Variants in HDAC9 observed in about 807,000 individuals in gnomAD.
The protein encoded by HDAC9 is histone deacetylase 9.
A neutral mutation model predicts 139.4 loss-of-function variants in HDAC9; 41 were observed. The ratio of observed to expected loss-of-function variants is 0.29; its 90% confidence interval spans 0.23 to 0.38. The LOEUF (loss-of-function observed/expected upper bound fraction) is 0.38, where lower values mean the gene tolerates loss of function less well. Ranked by LOEUF, HDAC9 falls within the 10% of genes least tolerant of loss-of-function variation. HDAC9 has a pLI of 1.00. For missense variants in HDAC9, 1,147 were observed against 1,297.0 expected, an observed-to-expected ratio of 0.88 and a Z score of 1.78; for synonymous variants, 517 against 476.2, an observed-to-expected ratio of 1.09 and a Z score of -1.12.
At chr7:18,462,672 G>A (rs1793952059) in intron 1 of HDAC9, among the ~76,000 whole-genome samples, 1 of 151,850 alleles carries the variant, frequency 6.6e-6, no homozygotes, top group Non-Finnish European at 1.5e-5. Context: ...TCAAACTTAA[G>A]TTGGTGAGAT....
rs567176484 is a variant in HDAC9 at position 18,690,136 on chromosome 7, C to A, written c.1731+23660C>A. Among the ~76,000 whole-genome samples the A allele has an allele frequency of 3.9e-5, 6 of 152,054 alleles. No individual in the cohort carries two copies. The East Asian group carries it at 7.8e-4, about 20-fold the overall frequency. ...AGCATATTGCTGCTTGTCTCTCAAC[C>A]CTTTTTGCAAGAGCCCCCTCATCTG... is the stretch of plus-strand genomic sequence containing the variant. On this transcript the variant is annotated intron_variant, in intron 12 of 25. Transcript: ENST00000686413.
chr7:18,170,196 T>G (rs1345297694), intron 2 of HDAC9, among the ~76,000 whole-genome samples: 3 of 152,244 alleles, frequency 2.0e-5, no homozygotes, highest in Non-Finnish European at 4.4e-5. Context: ...TGATTTGCAT[T>G]TCTCTGATGA....
chr7:18,749,150 T>C lies in HDAC9; in HGVS notation c.2043+12T>C, dbSNP rs1409024195. 10 of 1,612,692 alleles carry C rather than the reference T, an allele frequency of 6.2e-6. No homozygotes were observed. In the African/African-American group the frequency reaches 1.2e-4, roughly 19 times the overall value. On this transcript the variant is annotated intron_variant, in intron 14 of 25. Transcript: ENST00000686413. Reference sequence around the variant, plus strand: ...TAAATAAATGTGAGGTAATCCAGAATTGGACACACTCTTTTACTTACTTAA... The same window carrying C: ...TAAATAAATGTGAGGTAATCCAGAACTGGACACACTCTTTTACTTACTTAA...
chr7:18,333,806 A>C (rs183139938), intron 1 of HDAC9, among the ~76,000 whole-genome samples: 71 of 151,664 alleles, frequency 4.7e-4, no homozygotes, highest in African/African-American at 1.7e-3. Context: ...ATCAGTAAAA[A>C]GTGGAGTTTA....
At chr7:18,730,194 C>G (rs1002432096) in intron 13 of HDAC9, among the ~76,000 whole-genome samples, 10 of 152,162 alleles carry the variant, frequency 6.6e-5, no homozygotes, top group African/African-American at 2.2e-4. Flanking sequence ...TCATTTAGTA[C>G]TATTCCAAAT....
chr7:18,720,869 T>C (rs1562881438), intron 12 of HDAC9, among the ~76,000 whole-genome samples: 2 of 152,018 alleles, frequency 1.3e-5, no homozygotes, highest in South Asian at 4.1e-4. Context: ...TTTATAGAGA[T>C]AGGGTCTCCC....
At chr7:18,782,703 A>ATT (rs5882671) in intron 16 of HDAC9, among the ~76,000 whole-genome samples, 8,795 of 151,594 alleles carry the variant, frequency 0.058, 338 homozygotes, top group South Asian at 0.12. Flanking sequence ...AAATGCGGGG[A>ATT]TTTTTTTTTC....
Position 18,835,895 on chromosome 7 carries a change from C to T in HDAC9, c.2587-5C>T. On this transcript the variant is annotated splice_region_variant and splice_polypyrimidine_tract_variant and intron_variant, in intron 20 of 25. Transcript: ENST00000686413. ...GCCCACCGTGGTGTGTCTTTCTCTTCCCAGGTTGGAACAGGCCTTGGAGAA... is the reference window on the plus strand; with the variant it reads ...GCCCACCGTGGTGTGTCTTTCTCTTTCCAGGTTGGAACAGGCCTTGGAGAA... 6.5e-7 allele frequency: 1 copy of T among 1,546,572 alleles called. No individual in the cohort carries two copies. The highest frequency in any genetic ancestry group is 8.8e-7 in the Non-Finnish European group (1 of 1,141,658).
intron 22 of HDAC9, among the ~76,000 whole-genome samples, chr7:18,919,840 T>A (rs1200054599): frequency 6.6e-6 from 1 of 152,200 alleles, no homozygotes; most frequent in Admixed American, 6.6e-5. Context: ...GGCTCTCTTC[T>A]GTTCCATGGG....
intron 10 of HDAC9, 92 bp from the exon 11 acceptor site, chr7:18,648,374 G>A: frequency 9.2e-7 from 1 of 1,081,698 alleles, no homozygotes; most frequent in Non-Finnish European, 1.4e-6. Context: ...TGTTTTCTTT[G>A]GCTTCTTATC....
At chr7:18,740,606 C>A (rs975596493) in intron 13 of HDAC9, among the ~76,000 whole-genome samples, 3 of 152,160 alleles carry the variant, frequency 2.0e-5, no homozygotes, top group African/African-American at 4.8e-5. Context: ...AATTTATAAA[C>A]CCACAGTCCA....
chr7:18,977,617 G>A (rs1394167273), intron 25 of HDAC9, among the ~76,000 whole-genome samples: 1 of 152,114 alleles, frequency 6.6e-6, no homozygotes, highest in East Asian at 1.9e-4. Flanking sequence ...CTTGGCTTCA[G>A]TCCACAGTGA....
At chr7:18,291,742 C>T (rs533279542) in intron 1 of HDAC9, among the ~76,000 whole-genome samples, 4 of 152,254 alleles carry the variant, frequency 2.6e-5, no homozygotes, top group East Asian at 3.9e-4. Flanking sequence ...CCCCCACCAG[C>T]TCTGAATTAA....
chr7:18,170,365 A>T (rs1788334271), intron 2 of HDAC9, among the ~76,000 whole-genome samples: 1 of 151,280 alleles, frequency 6.6e-6, no homozygotes, highest in South Asian at 2.1e-4. Flanking sequence ...AGACGGATAG[A>T]TTGCAAATTT....
At chr7:18,164,637 A>G (rs944597094) in intron 2 of HDAC9, among the ~76,000 whole-genome samples, 3 of 152,240 alleles carry the variant, frequency 2.0e-5, no homozygotes, top group Non-Finnish European at 4.4e-5. Flanking sequence ...TTTCCCATAC[A>G]TTAACATCAT....
At chr7:18,317,183 T>G (rs2051406879) in intron 1 of HDAC9, among the ~76,000 whole-genome samples, 1 of 149,972 alleles carries the variant, frequency 6.7e-6, no homozygotes, top group Middle Eastern at 3.2e-3. Context: ...GGTGACAGAG[T>G]GAGACTCTGT....
At chr7:18,122,456 GA>G (rs1784415409) in intron 1 of HDAC9, among the ~76,000 whole-genome samples, 2 of 152,156 alleles carry the variant, frequency 1.3e-5, no homozygotes, top group African/African-American at 4.8e-5. Flanking sequence ...TATAGCTGAA[GA>G]AAAAAGCCAA....
At chr7:18,762,325 T>C (rs1328518743) in intron 15 of HDAC9, 48 bp downstream of exon 15, 1 of 1,598,876 alleles carries the variant, frequency 6.3e-7, no homozygotes, top group South Asian at 1.1e-5. Context: ...TCCAGCACTA[T>C]CATTAGTCAA....
At chr7:18,913,556 T>G (rs1315108962) in intron 22 of HDAC9, among the ~76,000 whole-genome samples, 1 of 152,066 alleles carries the variant, frequency 6.6e-6, no homozygotes. Flanking sequence ...GGACTCCATG[T>G]GCCTGACCCT....
Sources: allele counts gnomAD v4.1 joint callset (sites outside exome capture counted in the v4.1 genomes callset), GRCh38; gene constraint gnomAD v4.1.1; transcripts MANE v1.5; gene names NCBI Gene and HGNC (gene_info 2026-07-23, HGNC 2026-07-21).